The following GAD2 variants were observed in gnomAD, a reference collection of about 807,000 sequenced individuals.
The protein encoded by GAD2 is 65 kDa glutamic acid decarboxylase.
Under a neutral mutation model 80.1 loss-of-function variants are expected in GAD2, and 22 were observed. The ratio of observed to expected loss-of-function variants is 0.27; its 90% confidence interval spans 0.20 to 0.39. The LOEUF (loss-of-function observed/expected upper bound fraction) is 0.39. Ranked by LOEUF, GAD2 falls within the 10% of genes least tolerant of loss-of-function variation. The pLI, the probability that GAD2 is intolerant of heterozygous loss-of-function variation, is 1.00. For synonymous variants in GAD2, 274 were observed against 256.9 expected (o/e 1.07, Z -0.64); for missense variants, 624 against 738.4 (o/e 0.85, Z 1.80).
intron 8 of GAD2, among the ~76,000 whole-genome samples, chr10:26,266,455 A>G (rs560003605): frequency 4.6e-5 from 7 of 152,326 alleles, no homozygotes; most frequent in Admixed American, 3.9e-4. Flanking sequence ...CATATTCACT[A>G]TCTGGTCAGA....
At chr10:26,287,920 G>T (rs959387066) in intron 13 of GAD2, among the ~76,000 whole-genome samples, 2 of 152,186 alleles carry the variant, frequency 1.3e-5, no homozygotes, top group Non-Finnish European at 2.9e-5. Flanking sequence ...ATAAGAAAAA[G>T]CAAATAACTT....
Position 26,273,619 on chromosome 10 carries a change from A to G in GAD2, c.1093-17A>G. 6.2e-7 allele frequency: 1 copy of G among 1,610,330 alleles called. No homozygotes were observed. The highest frequency in any genetic ancestry group is 8.5e-7 in the Non-Finnish European group (1 of 1,176,820). On this transcript the variant is annotated splice_polypyrimidine_tract_variant and intron_variant, in intron 10 of 15. Transcript: ENST00000376261. ...ATGACAAACTGCTACCATTTTCCTC[A>G]TATGATTTTTTTTCAGGCAGCTTGG...
chr10:26,257,096 G>T (rs1564664440), intron 8 of GAD2, among the ~76,000 whole-genome samples: 1 of 152,038 alleles, frequency 6.6e-6, no homozygotes, highest in South Asian at 2.1e-4. Context: ...TAATATGCTC[G>T]GCTGGGTGCG....
At chr10:26,239,259 C>T (rs1031625971) in intron 7 of GAD2, among the ~76,000 whole-genome samples, 1 of 152,084 alleles carries the variant, frequency 6.6e-6, no homozygotes, top group Non-Finnish European at 1.5e-5. Flanking sequence ...TGTCCTTTCT[C>T]TTTATTTGAG....
intron 9 of GAD2, among the ~76,000 whole-genome samples, chr10:26,270,363 G>A (rs950013148): frequency 7.2e-5 from 11 of 152,108 alleles, no homozygotes; most frequent in African/African-American, 9.7e-5. Flanking sequence ...TCTCGGGGAC[G>A]TCCCTGACAG....
chr10:26,301,225 A>T lies in GAD2; in HGVS notation c.*264A>T. Reference sequence around the variant, plus strand: ...TAAAATTGTTATAAATACTTCCCTTACTTTTAATATAGTGTGCAAAGCAAA... The same window carrying T: ...TAAAATTGTTATAAATACTTCCCTTTCTTTTAATATAGTGTGCAAAGCAAA... On this transcript the variant is annotated 3_prime_UTR_variant, in exon 16 of 16. Coordinates refer to ENST00000376261, the MANE Select transcript of GAD2 (RefSeq NM_001134366.2). The T allele has an allele frequency of 2.7e-6, 1 of 373,530 alleles. No individual in the cohort carries two copies. The highest frequency in any genetic ancestry group is 5.0e-6 in the Non-Finnish European group (1 of 200,254). The allele number at this position is 373,530 out of a possible 1,614,324, so 23.1% of individuals were successfully genotyped here.
chr10:26,276,677 C>T (rs1270198846), intron 11 of GAD2, among the ~76,000 whole-genome samples: 4 of 152,192 alleles, frequency 2.6e-5, no homozygotes, highest in East Asian at 1.9e-4. Flanking sequence ...CGTGAGCCAC[C>T]GCGCCGGCTT....
intron 13 of GAD2, among the ~76,000 whole-genome samples, chr10:26,286,934 A>G (rs1383918415): frequency 2.0e-5 from 3 of 152,120 alleles, no homozygotes; most frequent in Non-Finnish European, 4.4e-5. Flanking sequence ...ATTTCAAGGG[A>G]TAACCTCTAG....
chr10:26,239,711 CTG>C (rs1163279261), intron 7 of GAD2, among the ~76,000 whole-genome samples: 4 of 152,090 alleles, frequency 2.6e-5, no homozygotes, highest in Non-Finnish European at 5.9e-5. Context: ...AAAAATATCT[CTG>C]TGTGGAGGTG....
chr10:26,284,365 A>T (rs1845305267), intron 12 of GAD2, among the ~76,000 whole-genome samples: 1 of 152,164 alleles, frequency 6.6e-6, no homozygotes, highest in Admixed American at 6.5e-5. Context: ...AGTTTCCTAA[A>T]TTTATTTGAG....
intron 7 of GAD2, among the ~76,000 whole-genome samples, chr10:26,243,542 T>C (rs1405278687): frequency 1.3e-5 from 2 of 152,206 alleles, no homozygotes; most frequent in Non-Finnish European, 2.9e-5. Flanking sequence ...AGGTTAGCCT[T>C]TCTCAGCTCT....
intron 8 of GAD2, among the ~76,000 whole-genome samples, chr10:26,253,201 C>T (rs1844901374): frequency 6.6e-6 from 1 of 152,074 alleles, no homozygotes; most frequent in Non-Finnish European, 1.5e-5. Context: ...AGCATTATAA[C>T]TAAACAGGAA....
intron 8 of GAD2, 76 bp from the exon 9 acceptor site, chr10:26,269,043 C>T: frequency 1.8e-6 from 2 of 1,094,554 alleles, no homozygotes; most frequent in Non-Finnish European, 2.7e-6. Context: ...GGACTTTACC[C>T]TCCTGCGGCC....
At chr10:26,279,330 G>T (rs3781110) in intron 11 of GAD2, among the ~76,000 whole-genome samples, 10,543 of 152,266 alleles carry the variant, frequency 0.069, 454 homozygotes, top group Non-Finnish European at 0.099. Flanking sequence ...GGTGTTCCAG[G>T]AAGAGGAAAC....
At chr10:26,275,465 C>T (rs1429574280) in intron 11 of GAD2, among the ~76,000 whole-genome samples, 1 of 152,202 alleles carries the variant, frequency 6.6e-6, no homozygotes, top group Non-Finnish European at 1.5e-5. Context: ...AGAGTTTCCT[C>T]TTATTGCCGC....
intron 13 of GAD2, among the ~76,000 whole-genome samples, chr10:26,289,141 G>A (rs1380255039): frequency 6.6e-6 from 1 of 151,960 alleles, no homozygotes; most frequent in Non-Finnish European, 1.5e-5. Flanking sequence ...CTACAATCTA[G>A]ATCAAAGGTG....
At chr10:26,233,143 G>A (rs1296633070) in intron 7 of GAD2, among the ~76,000 whole-genome samples, 1 of 152,200 alleles carries the variant, frequency 6.6e-6, no homozygotes, top group African/African-American at 2.4e-5. Context: ...AAATGAGGAG[G>A]CTGAAATTAG....
At chr10:26,251,454 T>C (rs1346084946) in intron 8 of GAD2, among the ~76,000 whole-genome samples, 1 of 152,216 alleles carries the variant, frequency 6.6e-6, no homozygotes, top group African/African-American at 2.4e-5. Flanking sequence ...TAATGGCGCC[T>C]GCTTCATAGG....
At chr10:26,292,436 T>A (rs1834226463) in intron 13 of GAD2, 29 bp from the exon 14 acceptor site, 1 of 1,552,090 alleles carries the variant, frequency 6.4e-7, no homozygotes, top group Non-Finnish European at 8.9e-7. Context: ...CTTAGCCTGC[T>A]TAATGAGCTG....
Sources: allele counts gnomAD v4.1 joint callset (sites outside exome capture counted in the v4.1 genomes callset), GRCh38; gene constraint gnomAD v4.1.1; transcripts MANE v1.5; gene names NCBI Gene and HGNC (gene_info 2026-07-23, HGNC 2026-07-21).